ZC3H12B: variants seen among roughly 807,000 people sequenced by gnomAD.
The protein encoded by ZC3H12B is probable ribonuclease ZC3H12B.
ZC3H12B carries 7 observed loss-of-function variants against 43.9 expected under a neutral mutation model. That is an observed-to-expected ratio of 0.16 (90% CI 0.09 to 0.30). ZC3H12B has a LOEUF of 0.30. ZC3H12B is among the 10% of genes least tolerant of loss of function. The probability of loss-of-function intolerance (pLI) is 1.00; values close to 1 mark genes in which losing one functional copy is unlikely to be tolerated. For missense variants in ZC3H12B, 475 were observed against 670.2 expected, an observed-to-expected ratio of 0.71 and a Z score of 3.22; for synonymous variants, 222 against 241.7, an observed-to-expected ratio of 0.92 and a Z score of 0.76.
At chrX:65,438,509 G>GAC in intron 3 of ZC3H12B, among the ~76,000 whole-genome samples, 1 of 112,407 alleles carries the variant, frequency 8.9e-6, no homozygotes, top group Non-Finnish European at 1.9e-5. Flanking sequence ...AGGAATTAAA[G>GAC]ACACACACAG....
chrX:65,494,245 T>C (rs976857612), intron 1 of ZC3H12B, among the ~76,000 whole-genome samples: 1 of 110,891 alleles, frequency 9.0e-6, no homozygotes, highest in Non-Finnish European at 1.9e-5. Flanking sequence ...ACATTTTTAA[T>C]GATTATATGT....
the ZC3H12B span, among the ~76,000 whole-genome samples, chrX:65,065,507 A>C: frequency 8.0e-5 from 9 of 112,147 alleles, no homozygotes; most frequent in South Asian, 1.5e-3. Context: ...CTGCAGAGAG[A>C]GCCACTGTTA....
upstream of ZC3H12B, among the ~76,000 whole-genome samples, chrX:65,364,415 A>AC (rs1161581701): frequency 6.2e-4 from 68 of 110,148 alleles, no homozygotes; most frequent in African/African-American, 2.2e-3. Flanking sequence ...CTTCCAAAAA[A>AC]AAAAAAAAAA....
At chrX:65,328,289 T>G in the ZC3H12B span, 1 of 253,760 alleles carries the variant, frequency 3.9e-6, no homozygotes, top group African/African-American at 2.9e-5. Context: ...AGTTGAAGTA[T>G]TCTTTTATCC....
chrX:65,217,157 C>T, the ZC3H12B span, among the ~76,000 whole-genome samples: 2 of 112,041 alleles, frequency 1.8e-5, no homozygotes, highest in East Asian at 2.8e-4. Flanking sequence ...TGTCTGGGAA[C>T]CCAGGGAATT....
intron 3 of ZC3H12B, chrX:65,469,227 C>A: frequency 4.3e-6 from 1 of 234,577 alleles, no homozygotes; most frequent in Non-Finnish European, 8.3e-6. Flanking sequence ...GAGCAACAAG[C>A]TGCAAAGGGG....
At chrX:65,152,439 C>T in the ZC3H12B span, among the ~76,000 whole-genome samples, 1 of 111,422 alleles carries the variant, frequency 9.0e-6, no homozygotes, top group Non-Finnish European at 1.9e-5. Context: ...ACACCAATAA[C>T]AGACAGAGAG....
At chrX:65,101,748 A>G in the ZC3H12B span, among the ~76,000 whole-genome samples, 21 of 112,250 alleles carry the variant, frequency 1.9e-4, no homozygotes, top group South Asian at 3.7e-4. Context: ...GGCAGTAATT[A>G]ACAACCTACC....
chrX:65,265,035 C>A, the ZC3H12B span, among the ~76,000 whole-genome samples: 3 of 111,759 alleles, frequency 2.7e-5, no homozygotes, highest in Admixed American at 1.9e-4. Context: ...TGCAGACTTC[C>A]TCTCTGCGAT....
the ZC3H12B span, among the ~76,000 whole-genome samples, chrX:65,050,273 G>A: frequency 1.9e-3 from 216 of 111,028 alleles, no homozygotes; most frequent in African/African-American, 6.7e-3. Flanking sequence ...CAACTTTATT[G>A]AATTTGTTTA....
At chrX:65,233,033 G>A in the ZC3H12B span, among the ~76,000 whole-genome samples, 2 of 112,073 alleles carry the variant, frequency 1.8e-5, no homozygotes, top group African/African-American at 6.5e-5. Flanking sequence ...GGTCAAGTTA[G>A]CAAGAAGATA....
chrX:65,102,007 G>A, the ZC3H12B span, among the ~76,000 whole-genome samples: 3 of 111,802 alleles, frequency 2.7e-5, no homozygotes, highest in East Asian at 5.6e-4. Flanking sequence ...CAAACCGAAC[G>A]CAGCAGCACA....
At chrX:65,446,644 A>G (rs780910648) in intron 3 of ZC3H12B, among the ~76,000 whole-genome samples, 1 of 111,923 alleles carries the variant, frequency 8.9e-6, no homozygotes, top group East Asian at 2.8e-4. Context: ...ACTGAGTTCC[A>G]ATATACAGTT....
the ZC3H12B span, among the ~76,000 whole-genome samples, chrX:65,086,418 G>T: frequency 9.1e-6 from 1 of 110,460 alleles, no homozygotes; most frequent in African/African-American, 3.3e-5. Context: ...TTCAGCAATT[G>T]ACCTCTCATT....
At chrX:65,173,388 C>G in the ZC3H12B span, among the ~76,000 whole-genome samples, 3 of 111,771 alleles carry the variant, frequency 2.7e-5, no homozygotes, top group East Asian at 8.4e-4. Flanking sequence ...TTGTCTTTCT[C>G]TCTTACTGTT....
chrX:65,205,844 C>T, the ZC3H12B span, among the ~76,000 whole-genome samples: 39 of 111,708 alleles, frequency 3.5e-4, no homozygotes, highest in East Asian at 5.6e-3. Context: ...AATTAATGTA[C>T]GCACATCAGT....
Position 65,468,737 on chromosome X carries a change from C to T in ZC3H12B, n.408-19909C>T, listed in dbSNP as rs182959882. Among the ~76,000 whole-genome samples the T allele has an allele frequency of 7.9e-4, 83 of 105,006 alleles. 1 individual carries two copies. In the South Asian group the frequency reaches 0.033, roughly 42 times the overall value. 91.2% of individuals were successfully genotyped at this position (105,006 alleles called of 115,157 possible). The stretch of plus-strand genomic sequence containing the variant: ...TCCTGACCTCATGATCCGCCTGCCT[C>T]GGCCTCCACGCCTGGCCTAGGATTG... On this transcript the variant is annotated intron_variant and non_coding_transcript_variant, in intron 3 of 5. Transcript: ENST00000617377.
the ZC3H12B span, among the ~76,000 whole-genome samples, chrX:65,213,111 T>G: frequency 1.8e-5 from 2 of 109,787 alleles, no homozygotes; most frequent in East Asian, 5.6e-4. Flanking sequence ...TGAATCCTTG[T>G]AAATTGTTTA....
chrX:65,255,277 A>G, the ZC3H12B span, among the ~76,000 whole-genome samples: 1 of 111,720 alleles, frequency 9.0e-6, no homozygotes, highest in Non-Finnish European at 1.9e-5. Context: ...GGTCAAATTG[A>G]AAGAAAAAAC....
Sources: allele counts gnomAD v4.1 joint callset (sites outside exome capture counted in the v4.1 genomes callset), GRCh38; gene constraint gnomAD v4.1.1; transcripts MANE v1.5; gene names NCBI Gene and HGNC (gene_info 2026-07-23, HGNC 2026-07-21).